Variants in SNED1 observed in about 807,000 individuals in gnomAD.
SNED1 encodes sushi, nidogen and EGF-like domain-containing protein 1.
SNED1 carries 81 observed loss-of-function variants against 166.7 expected under a neutral mutation model. The ratio of observed to expected loss-of-function variants is 0.49; its 90% confidence interval spans 0.41 to 0.58. The LOEUF (loss-of-function observed/expected upper bound fraction) is 0.58. Ranked by LOEUF, SNED1 falls within the 20% of genes least tolerant of loss-of-function variation. The pLI, the probability that SNED1 is intolerant of heterozygous loss-of-function variation, is 0.00. For missense variants in SNED1, 1,604 were observed against 2,000.2 expected (o/e 0.80, Z 3.78); for synonymous variants, 762 against 822.0 (o/e 0.93, Z 1.25).
chr2:241,049,586 C>T (rs556019029), intron 11 of SNED1, among the ~76,000 whole-genome samples: 2 of 152,246 alleles, frequency 1.3e-5, no homozygotes, highest in East Asian at 1.9e-4. Flanking sequence ...AGTCCTGCCT[C>T]GTAGAAGACG....
Position 241,078,319 on chromosome 2 carries a change from T to C in SNED1, c.3917-3358T>C, listed in dbSNP as rs553594221. ...AATCGCTTGAACCCGGGAGGTGGAG[T>C]TTGCAGTGAGGTGAGATCGCGCCAC... On this transcript the variant is annotated intron_variant, in intron 27 of 31. Transcript: ENST00000310397. Among the ~76,000 whole-genome samples the C allele has an allele frequency of 3.4e-5, 5 of 147,734 alleles. No homozygotes were observed. In the East Asian group the frequency reaches 5.9e-4, roughly 18 times the overall value.
Position 241,036,824 on chromosome 2 carries a change from C to G in SNED1, c.840C>G (p.Asn280Lys). 6.2e-7 allele frequency: 1 copy of G among 1,610,756 alleles called. No individual in the cohort carries two copies. Among genetic ancestry groups the G allele is most frequent in the Non-Finnish European group, 8.5e-7 (1 of 1,179,684 alleles). ...GCCTGGCCCTGCGCCCCTGCCTCAA[C>G]GGCGGCAAGTGCATCGACGACTGCG... ...SVCLALRPCLNGGKCIDDCVT... is the reference protein window; with the variant it reads ...SVCLALRPCLKGGKCIDDCVT... Residue 280 changes from asparagine to lysine, a missense_variant, in exon 5 of 32, where the codon AAC becomes AAG. Transcript: ENST00000310397.
rs2061965806 is a variant in SNED1 at position 241,054,083 on chromosome 2, G to T, written c.2257+757G>T. 2.6e-5 allele frequency among the ~76,000 whole-genome samples: 4 copies of T among 152,144 alleles called. No individual in the cohort carries two copies. In the South Asian group the frequency reaches 6.2e-4, roughly 24 times the overall value. On this transcript the variant is annotated intron_variant, in intron 16 of 31. Coordinates refer to ENST00000310397, the MANE Select transcript of SNED1 (RefSeq NM_001080437.3). ...CCAACCTGCGTGGTCTCAGGCGAAG[G>T]GTTCTGGGAACACCTGGCTTCAAGC...
intron 30 of SNED1, 53 bp downstream of exon 30, chr2:241,087,528 A>T: frequency 6.4e-7 from 1 of 1,554,274 alleles, no homozygotes; most frequent in Non-Finnish European, 8.7e-7. Context: ...CCACAGGGTG[A>T]TGGGGCAAGG....
Position 241,094,376 on chromosome 2 carries a change from T to A in SNED1, c.*2740T>A, listed in dbSNP as rs1020471539. 6.4e-6 allele frequency: 3 copies of A among 471,006 alleles called. No homozygotes were observed. The allele number at this position is 471,006 out of a possible 1,614,324, so 29.2% of individuals were successfully genotyped here. ...GATGTGGACGGAGTCACCGAGCTGC[T>A]TTTCTTTTGCAAAACAAAAGTCTTT... On this transcript the variant is annotated 3_prime_UTR_variant, in exon 32 of 32. Coordinates refer to ENST00000310397, the MANE Select transcript of SNED1 (RefSeq NM_001080437.3). The surrounding 1 kb of genome is among the most constrained non-coding windows in gnomAD (Gnocchi z 4.3).
At chr2:241,061,784 C>T (rs1399114433) in intron 16 of SNED1, among the ~76,000 whole-genome samples, 12 of 149,920 alleles carry the variant, frequency 8.0e-5, no homozygotes, top group African/African-American at 3.0e-4. Flanking sequence ...ACTCGGGAGG[C>T]GGAGGTTGTG....
At chr2:241,037,182 G>C in intron 5 of SNED1, 58 bp from the exon 6 acceptor site, 2 of 1,424,958 alleles carry the variant, frequency 1.4e-6, no homozygotes, top group Non-Finnish European at 1.9e-6. Context: ...CGAGCCCTTA[G>C]AGAAAACTCC....
intron 4 of SNED1, among the ~76,000 whole-genome samples, chr2:241,036,097 T>TGGGGGCGCGTCACAGGGTG (rs2061359812): frequency 1.4e-3 from 4 of 2,836 alleles, no homozygotes; most frequent in African/African-American, 4.4e-3. Context: ...CATCACGGGG[T>TGGGGGCGCGTCACAGGGTG]GGGGGTTGGG....
At chr2:241,028,782 A>AT (rs1369750214) in intron 1 of SNED1, among the ~76,000 whole-genome samples, 1 of 151,972 alleles carries the variant, frequency 6.6e-6, no homozygotes, top group African/African-American at 2.4e-5. Context: ...TAAAGTTTGC[A>AT]TTGATCTCTT....
Position 241,065,234 on chromosome 2 carries a change from G to C in SNED1, c.2714-65G>C. On this transcript the variant is annotated intron_variant, in intron 20 of 31. Coordinates refer to ENST00000310397, the MANE Select transcript of SNED1 (RefSeq NM_001080437.3). ...CCAGACCCGGCTGAGCCGCCGACGG[G>C]AGCCAGGCATGCATAGCTAACGGCT... The C allele has an allele frequency of 5.2e-6, 8 of 1,551,804 alleles. No individual in the cohort carries two copies. In the East Asian group the frequency reaches 1.8e-4, roughly 36 times the overall value.
At chr2:241,057,804 C>CA (rs993195116) in intron 16 of SNED1, among the ~76,000 whole-genome samples, 4 of 151,064 alleles carry the variant, frequency 2.6e-5, no homozygotes, top group East Asian at 1.9e-4. Flanking sequence ...AGAGGCTTAG[C>CA]AAAAAAAAGT....
At chr2:241,039,267 G>T (rs1316755991) in intron 6 of SNED1, among the ~76,000 whole-genome samples, 3 of 152,148 alleles carry the variant, frequency 2.0e-5, no homozygotes, top group African/African-American at 7.2e-5. Flanking sequence ...AGCCACCAAA[G>T]GGCTTTCACA....
At chr2:241,023,298 A>G (rs1186365095) in intron 1 of SNED1, among the ~76,000 whole-genome samples, 1 of 152,100 alleles carries the variant, frequency 6.6e-6, no homozygotes, top group Non-Finnish European at 1.5e-5. Context: ...ACATTTCTTT[A>G]TACAGTTATT....
intron 8 of SNED1, among the ~76,000 whole-genome samples, chr2:241,044,080 C>T (rs12105221): frequency 0.19 from 29,318 of 151,798 alleles, 3,552 homozygotes; most frequent in African/African-American, 0.33. Flanking sequence ...GCTAATAAAC[C>T]AATTGTGGAG....
Position 241,051,861 on chromosome 2 carries a change from G to C in SNED1, c.1852+1G>C. On this transcript the variant is annotated splice_donor_variant, in intron 13 of 31. Coordinates refer to ENST00000310397, the MANE Select transcript of SNED1 (RefSeq NM_001080437.3). LOFTEE classifies it high-confidence loss of function. The surrounding 1 kb of genome is among the most constrained non-coding windows in gnomAD (Gnocchi z 4.7). ...TTCACTGGGAGGCACTGTGAGATCG[G>C]TGCGGCCCCCAGGGGCAGGGGGGAG... The C allele has an allele frequency of 6.5e-7, 1 of 1,541,288 alleles. No individual in the cohort carries two copies. The highest frequency in any genetic ancestry group is 8.8e-7 in the Non-Finnish European group (1 of 1,141,768).
At chr2:241,049,204 G>GAGGC in intron 11 of SNED1, 69 bp downstream of exon 11, 2 of 1,150,880 alleles carry the variant, frequency 1.7e-6, no homozygotes, top group East Asian at 2.6e-5. Context: ...AGCGGTGGAT[G>GAGGC]AGGCAGGCAG....
rs980324490 is a variant in SNED1, at chr2:241,034,684, C to T, written c.759C>T (p.Phe253=). The change falls in exon 4 of 32, where the codon TTC becomes TTT. Residue 253 remains phenylalanine (F), a synonymous_variant. Transcript: ENST00000310397. The stretch of plus-strand genomic sequence containing the variant: ...TGGGTGTGCCCGGGCGCTGGGCGTT[C>T]AGAATCGATGATGCCCAGGTGCGCG... The part of the protein sequence containing the change: ...TNVGVPGRWA[F]RIDDAQVRVG... 1 of 1,603,094 alleles carries T rather than the reference C, an allele frequency of 6.2e-7. No individual in the cohort carries two copies. The highest frequency in any genetic ancestry group is 8.5e-7 in the Non-Finnish European group (1 of 1,175,540).
intron 26 of SNED1, chr2:241,072,211 CTTTG>C: frequency 1.8e-6 from 1 of 551,326 alleles, no homozygotes. Context: ...GGGCTCTGAG[CTTTG>C]TTTTAGTAAA....
chr2:241,044,612 C>A (rs2125062363), intron 8 of SNED1, among the ~76,000 whole-genome samples: 1 of 152,326 alleles, frequency 6.6e-6, no homozygotes, highest in South Asian at 2.1e-4. Flanking sequence ...AAGTGGGCAT[C>A]CACACGGACA....
Sources: allele counts gnomAD v4.1 joint callset (sites outside exome capture counted in the v4.1 genomes callset), GRCh38; gene constraint gnomAD v4.1.1; non-coding constraint Gnocchi (gnomAD v3.1); transcripts MANE v1.5; gene names NCBI Gene and HGNC (gene_info 2026-07-23, HGNC 2026-07-21).